The following KIF5C variants were observed in gnomAD, a reference collection of about 807,000 sequenced individuals.
KIF5C encodes kinesin family member 5C.
A neutral mutation model predicts 125.2 loss-of-function variants in KIF5C; 18 were observed. The ratio of observed to expected loss-of-function variants is 0.14; its 90% CI spans 0.10 to 0.21. The LOEUF is 0.21. Ranked by LOEUF, KIF5C falls within the 10% of genes least tolerant of loss-of-function variation. The probability of loss-of-function intolerance (pLI) is 1.00; values close to 1 mark genes in which losing one functional copy is unlikely to be tolerated. For synonymous variants in KIF5C, 405 were observed against 434.0 expected (o/e 0.93, Z 0.83); for missense variants, 780 against 1,183.8 (o/e 0.66, Z 5.01).
chr2:148,987,834 T>C (rs925780844), intron 15 of KIF5C, among the ~76,000 whole-genome samples: 8 of 152,206 alleles, frequency 5.3e-5, no homozygotes, highest in African/African-American at 1.9e-4. Context: ...CTGACTTCTT[T>C]TTGTCCCATT....
chr2:148,957,782 A>G, intron 10 of KIF5C, among the ~76,000 whole-genome samples: 1 of 152,148 alleles, frequency 6.6e-6, no homozygotes, highest in East Asian at 1.9e-4. Context: ...ACTTAAGTGC[A>G]TAACTAATTT....
At chr2:148,989,339 C>CAT (rs1210366840) in intron 15 of KIF5C, among the ~76,000 whole-genome samples, 3 of 132,030 alleles carry the variant, frequency 2.3e-5, no homozygotes, top group Non-Finnish European at 4.6e-5. Context: ...CATGATTTTA[C>CAT]ACACACACAC....
intron 23 of KIF5C, among the ~76,000 whole-genome samples, chr2:149,009,346 G>A (rs1393799094): frequency 2.6e-5 from 4 of 152,258 alleles, no homozygotes; most frequent in African/African-American, 9.6e-5. Flanking sequence ...TGTACTCTCT[G>A]CCAGGCACTA....
chr2:148,875,563 T>TG lies in KIF5C; in HGVS notation c.-55_-54insG. 8.7e-7 allele frequency: 1 copy of TG among 1,146,562 alleles called. No homozygotes were observed. The highest frequency in any genetic ancestry group is 1.5e-5 in the African/African-American group (1 of 65,058). 71.0% of individuals were successfully genotyped at this position (1,146,562 alleles called of 1,614,324 possible). A position where few individuals can be genotyped will look rare whatever the true frequency, so the allele number is the denominator to read the frequency against. The stretch of plus-strand genomic sequence containing the variant: ...CAGCTCGCGGCCTCCTCCCTCGTCG[T>TG]TCCCGGCCCCGGCCCCCCACCCATC... On this transcript the variant is annotated 5_prime_UTR_variant, in exon 1 of 26. Transcript: ENST00000435030.
intron 15 of KIF5C, among the ~76,000 whole-genome samples, chr2:148,990,184 A>G (rs1257343194): frequency 1.3e-5 from 2 of 152,236 alleles, no homozygotes; most frequent in African/African-American, 2.4e-5. Flanking sequence ...ATGGGTTTCT[A>G]TCCCAAGTAG....
intron 11 of KIF5C, among the ~76,000 whole-genome samples, chr2:148,963,171 T>C (rs534554189): frequency 2.0e-5 from 3 of 150,896 alleles, no homozygotes; most frequent in African/African-American, 7.4e-5. Context: ...TTTTTTTTTT[T>C]CTTTTTAACT....
At chr2:148,993,036 A>G (rs1192298001) in intron 16 of KIF5C, among the ~76,000 whole-genome samples, 3 of 152,168 alleles carry the variant, frequency 2.0e-5, no homozygotes, top group Non-Finnish European at 4.4e-5. Flanking sequence ...GAACTGATGG[A>G]ACTGTTAGAT....
At chr2:148,959,710 G>T (rs182515786) in intron 10 of KIF5C, among the ~76,000 whole-genome samples, 1 of 152,296 alleles carries the variant, frequency 6.6e-6, no homozygotes, top group East Asian at 1.9e-4. Flanking sequence ...ACTTAGGAGG[G>T]TGACTGGTTT....
At chr2:148,957,910 A>G (rs1262125317) in intron 10 of KIF5C, among the ~76,000 whole-genome samples, 1 of 151,572 alleles carries the variant, frequency 6.6e-6, no homozygotes, top group Non-Finnish European at 1.5e-5. Flanking sequence ...ACTTCCATCA[A>G]CATAGATTGT....
rs1411336961 is a variant in KIF5C, at chr2:148,991,206, C to G, written c.1905+8C>G. The G allele has an allele frequency of 2.5e-6, 4 of 1,612,102 alleles. No individual in the cohort carries two copies. In the East Asian group the frequency reaches 6.7e-5, roughly 27 times the overall value. ...CAGCTGCTCATCTCCCAGGTGGGCC[C>G]TTCCCTTCCCCATCATTGCACTCTT... is the stretch of plus-strand genomic sequence containing the variant. On this transcript the variant is annotated splice_region_variant and intron_variant, in intron 16 of 25. Coordinates refer to ENST00000435030, the MANE Select transcript of KIF5C (RefSeq NM_004522.3).
chr2:148,993,240 T>G (rs2105175569), intron 16 of KIF5C, among the ~76,000 whole-genome samples: 1 of 152,220 alleles, frequency 6.6e-6, no homozygotes, highest in East Asian at 1.9e-4. Context: ...GAGGGCCCAG[T>G]GGGGTGCTCT....
At chr2:149,001,733 C>A (rs1034259409) in intron 21 of KIF5C, among the ~76,000 whole-genome samples, 2 of 152,232 alleles carry the variant, frequency 1.3e-5, no homozygotes, top group African/African-American at 4.8e-5. Context: ...ATAGCCTCTC[C>A]ATTTGGTGAA....
chr2:148,875,612 G>T lies in KIF5C; in HGVS notation c.-6G>T. On this transcript the variant is annotated 5_prime_UTR_variant, in exon 1 of 26. Transcript: ENST00000435030. Reference sequence around the variant, plus strand: ...TCCCCGTGCCCCCTCCCTACCGCCGGCCGAGATGGCGGATCCAGCCGAATG... The same window carrying T: ...TCCCCGTGCCCCCTCCCTACCGCCGTCCGAGATGGCGGATCCAGCCGAATG... The T allele has an allele frequency of 2.0e-6, 2 of 983,290 alleles. No homozygotes were observed. Among genetic ancestry groups the T allele is most frequent in the Non-Finnish European group, 2.9e-6 (2 of 700,304 alleles). 60.9% of individuals were successfully genotyped at this position (983,290 alleles called of 1,614,324 possible).
chr2:148,968,768 AT>A (rs10714986), intron 11 of KIF5C, among the ~76,000 whole-genome samples: 21,550 of 147,940 alleles, frequency 0.15, 2,141 homozygotes, highest in African/African-American at 0.28. Context: ...TAAAAGAATG[AT>A]TTTTTTTTTT....
At chr2:148,907,732 C>G (rs1558884233) in intron 1 of KIF5C, among the ~76,000 whole-genome samples, 1 of 152,326 alleles carries the variant, frequency 6.6e-6, no homozygotes, top group East Asian at 1.9e-4. Flanking sequence ...TGGAGCCAGC[C>G]TTTGTGGCCG....
At chr2:148,908,302 G>T (rs1681195323) in intron 1 of KIF5C, among the ~76,000 whole-genome samples, 1 of 152,226 alleles carries the variant, frequency 6.6e-6, no homozygotes, top group Non-Finnish European at 1.5e-5. Context: ...TCACCTGCCA[G>T]GCTGAGGGTG....
intron 1 of KIF5C, among the ~76,000 whole-genome samples, chr2:148,896,935 C>T (rs947328850): frequency 5.3e-5 from 8 of 152,172 alleles, no homozygotes; most frequent in South Asian, 2.1e-4. Flanking sequence ...CAGGTTCAGG[C>T]GATTCTCCTG....
intron 1 of KIF5C, among the ~76,000 whole-genome samples, chr2:148,890,889 A>G (rs909707673): frequency 3.9e-5 from 6 of 152,166 alleles, no homozygotes; most frequent in African/African-American, 4.8e-5. Flanking sequence ...ATATATGAAT[A>G]TCTTATTTAA....
chr2:148,943,640 C>T (rs1227664338), intron 7 of KIF5C, among the ~76,000 whole-genome samples: 1 of 152,138 alleles, frequency 6.6e-6, no homozygotes, highest in Non-Finnish European at 1.5e-5. Context: ...AGGCAGATTT[C>T]GACCCCTGTG....
Sources: gnomAD v4.1 joint callset for allele counts (sites outside exome capture counted in the v4.1 genomes callset) on GRCh38, gnomAD v4.1.1 for gene constraint, MANE v1.5 for transcripts, NCBI Gene and HGNC (gene_info 2026-07-23, HGNC 2026-07-21) for gene names.